Variants in PREP observed in about 807,000 individuals in gnomAD.
PREP encodes the protein prolyl endopeptidase.
In PREP, 29 loss-of-function variants were observed where a neutral mutation model predicts 87.6. That is an observed-to-expected ratio of 0.33 (90% CI 0.25 to 0.45). The LOEUF (loss-of-function observed/expected upper bound fraction) is 0.45, where lower values mean the gene tolerates loss of function less well. Ranked by LOEUF, PREP falls within the 20% of genes least tolerant of loss-of-function variation. The pLI is 1.00. For missense variants in PREP, 695 were observed against 886.5 expected (o/e 0.78, Z 2.74); for synonymous variants, 337 against 328.6 (o/e 1.03, Z -0.28).
chr6:105,324,419 T>C (rs1481291243), intron 9 of PREP, among the ~76,000 whole-genome samples: 1 of 152,266 alleles, frequency 6.6e-6, no homozygotes, highest in Non-Finnish European at 1.5e-5. Context: ...TTCCAGCGTA[T>C]GTAACACTAA....
At chr6:105,284,123 A>G (rs1770136699) in intron 12 of PREP, among the ~76,000 whole-genome samples, 1 of 152,238 alleles carries the variant, frequency 6.6e-6, no homozygotes, top group African/African-American at 2.4e-5. Flanking sequence ...TTTTAATATC[A>G]GTTTCACAGT....
At chr6:105,286,199 T>C (rs1294401204) in intron 11 of PREP, among the ~76,000 whole-genome samples, 1 of 152,238 alleles carries the variant, frequency 6.6e-6, no homozygotes, top group Admixed American at 6.5e-5. Flanking sequence ...CAGGCATGAA[T>C]GGTGCTGGGC....
At chr6:105,319,716 C>T (rs533979371) in intron 10 of PREP, among the ~76,000 whole-genome samples, 1 of 152,264 alleles carries the variant, frequency 6.6e-6, no homozygotes, top group African/African-American at 2.4e-5. Context: ...TAAAAAACAC[C>T]CATTCCCTCA....
intron 7 of PREP, among the ~76,000 whole-genome samples, chr6:105,348,253 G>A (rs1771850253): frequency 6.6e-6 from 1 of 152,092 alleles, no homozygotes; most frequent in Admixed American, 6.5e-5. Context: ...AAAATTTAAT[G>A]AAAAAATATT....
intron 4 of PREP, among the ~76,000 whole-genome samples, chr6:105,374,300 T>C (rs1772630907): frequency 6.6e-6 from 1 of 152,174 alleles, no homozygotes; most frequent in Non-Finnish European, 1.5e-5. Context: ...TTGTGTTTCA[T>C]ATTAGCTTTT....
chr6:105,324,805 C>T lies in PREP; in HGVS notation c.1214-1037G>A, dbSNP rs375224380. On this transcript the variant is annotated intron_variant, in intron 9 of 14. Coordinates refer to ENST00000652536, the MANE Select transcript of PREP (RefSeq NM_002726.5). ...TGGGAAACAATACGCTGCCCCCGAC[C>T]GGAAAGGAGTAATACATTTAGATCC... Among the ~76,000 whole-genome samples, 19 of 152,266 alleles carry T rather than the reference C, an allele frequency of 1.2e-4. No homozygotes were observed. The South Asian group carries it at 3.7e-3, about 30-fold the overall frequency.
At chr6:105,341,734 A>G (rs1771656357) in intron 7 of PREP, among the ~76,000 whole-genome samples, 1 of 152,232 alleles carries the variant, frequency 6.6e-6, no homozygotes, top group Non-Finnish European at 1.5e-5. Context: ...AGAAATACAA[A>G]CTACCATCAG....
At chr6:105,287,834 A>G (rs1770218515) in intron 11 of PREP, among the ~76,000 whole-genome samples, 1 of 152,254 alleles carries the variant, frequency 6.6e-6, no homozygotes, top group African/African-American at 2.4e-5. Flanking sequence ...ATTCCACTTT[A>G]TACTAGCAAT....
rs539879071 is a variant in PREP, at chr6:105,285,764, C to T, written c.1455-184G>A. Among the ~76,000 whole-genome samples the T allele has an allele frequency of 3.3e-5, 5 of 152,290 alleles. No homozygotes were observed. In the South Asian group the frequency reaches 1.0e-3, roughly 32 times the overall value. On this transcript the variant is annotated intron_variant, in intron 11 of 14. Transcript: ENST00000652536. The stretch of plus-strand genomic sequence containing the variant: ...CACATAACTTCCTGTTAATACTTAA[C>T]TGCAAAGCTAATATATATACATATT...
At chr6:105,305,489 G>T (rs1770634743) in intron 10 of PREP, among the ~76,000 whole-genome samples, 1 of 152,106 alleles carries the variant, frequency 6.6e-6, no homozygotes, top group African/African-American at 2.4e-5. Context: ...TGAACTAGAG[G>T]CGTAGAGGCG....
At chr6:105,303,008 G>A (rs1191658137) in intron 10 of PREP, among the ~76,000 whole-genome samples, 1 of 151,960 alleles carries the variant, frequency 6.6e-6, no homozygotes, top group Admixed American at 6.6e-5. Flanking sequence ...CTTCCAATCT[G>A]AGCACCTGTT....
At chr6:105,353,663 T>A (rs1297983544) in intron 6 of PREP, among the ~76,000 whole-genome samples, 1 of 149,758 alleles carries the variant, frequency 6.7e-6, no homozygotes, top group Non-Finnish European at 1.5e-5. Context: ...TCCCAGCTAC[T>A]CGGGAGACTG....
intron 7 of PREP, 137 bp from the exon 8 acceptor site, chr6:105,333,642 AAGG>A: frequency 1.1e-6 from 1 of 894,484 alleles, no homozygotes; most frequent in East Asian, 2.5e-5. Context: ...AGGGCATGAA[AAGG>A]AGCAAGAACC....
intron 10 of PREP, among the ~76,000 whole-genome samples, chr6:105,300,019 C>T (rs1770498717): frequency 6.6e-6 from 1 of 151,954 alleles, no homozygotes. Flanking sequence ...GCCTCAGCCT[C>T]CTGAGTAGCT....
At chr6:105,369,897 G>A (rs1480593826) in intron 5 of PREP, among the ~76,000 whole-genome samples, 3 of 152,182 alleles carry the variant, frequency 2.0e-5, no homozygotes, top group African/African-American at 7.2e-5. Flanking sequence ...ATACACAGAT[G>A]GCAAATAATC....
At chr6:105,289,003 G>C (rs1282915590) in intron 10 of PREP, 109 bp from the exon 11 acceptor site, 2 of 1,117,738 alleles carry the variant, frequency 1.8e-6, no homozygotes, top group Non-Finnish European at 2.5e-6. Flanking sequence ...CAGTAGCACA[G>C]TGAAAACCTA....
intron 9 of PREP, among the ~76,000 whole-genome samples, chr6:105,326,344 C>G (rs1035541116): frequency 5.3e-5 from 8 of 152,312 alleles, no homozygotes; most frequent in Admixed American, 5.2e-4. Flanking sequence ...GTTTGAACCA[C>G]AGAGAATAAG....
chr6:105,399,066 CT>C (rs201515393), intron 1 of PREP, among the ~76,000 whole-genome samples: 6,139 of 151,930 alleles, frequency 0.04, 181 homozygotes, highest in South Asian at 0.14. Context: ...GAGACAACGC[CT>C]ATTGCACTCC....
At chr6:105,336,967 A>T (rs1011729499) in intron 7 of PREP, among the ~76,000 whole-genome samples, 15 of 149,170 alleles carry the variant, frequency 1.0e-4, no homozygotes, top group African/African-American at 4.9e-5. Flanking sequence ...GTTAATAATC[A>T]TTTTTTTTTT....
Sources: gnomAD v4.1 joint callset for allele counts (sites outside exome capture counted in the v4.1 genomes callset) on GRCh38, gnomAD v4.1.1 for gene constraint, MANE v1.5 for transcripts, NCBI Gene and HGNC (gene_info 2026-07-23, HGNC 2026-07-21) for gene names.